Variants in DTNB observed in about 807,000 individuals in gnomAD.
DTNB encodes dystrobrevin beta, also known as DTN-B.
A neutral mutation model predicts 90.7 loss-of-function variants in DTNB; 63 were observed. That is an observed-to-expected ratio of 0.69 (90% CI 0.57 to 0.86). The LOEUF is 0.86. DTNB is among the 40% of genes least tolerant of loss of function. The pLI is 0.00. For synonymous variants in DTNB, 277 were observed against 286.7 expected, an observed-to-expected ratio of 0.97 and a Z score of 0.34; for missense variants, 744 against 807.1, an observed-to-expected ratio of 0.92 and a Z score of 0.95.
chr2:25,559,714 A>C (rs1044756025), intron 8 of DTNB, among the ~76,000 whole-genome samples: 1 of 152,240 alleles, frequency 6.6e-6, no homozygotes, highest in Non-Finnish European at 1.5e-5. Context: ...CTTCTATGAC[A>C]AAATTAACTT....
intron 3 of DTNB, 81 bp from the exon 4 acceptor site, chr2:25,628,465 C>T: frequency 2.3e-6 from 3 of 1,320,298 alleles, no homozygotes; most frequent in Non-Finnish European, 3.1e-6. Context: ...AATTTATCAA[C>T]TAGTTCTTAA....
chr2:25,408,724 C>G (rs948696391), intron 16 of DTNB, among the ~76,000 whole-genome samples: 1 of 152,012 alleles, frequency 6.6e-6, no homozygotes, highest in Non-Finnish European at 1.5e-5. Context: ...GTCTATGGAA[C>G]TTGTTATAAC....
Position 25,623,028 on chromosome 2 carries a change from G to T in DTNB, c.362+5143C>A, listed in dbSNP as rs143310648. Reference sequence around the variant, plus strand: ...TCTTCCAAAAGGAAACAAAGTTAAAGAAATTAAACCATATGTGAGGAACAC... The same window carrying T: ...TCTTCCAAAAGGAAACAAAGTTAAATAAATTAAACCATATGTGAGGAACAC... On this transcript the variant is annotated intron_variant, in intron 4 of 20. Coordinates refer to ENST00000406818, the MANE Select transcript of DTNB (RefSeq NM_021907.5). Among the ~76,000 whole-genome samples the T allele has an allele frequency of 8.6e-4, 131 of 152,144 alleles. 1 individual carries two copies. The highest frequency in any genetic ancestry group is 3.0e-3 in the African/African-American group (123 of 41,522).
At chr2:25,413,065 G>A (rs1307555024) in intron 16 of DTNB, among the ~76,000 whole-genome samples, 1 of 152,024 alleles carries the variant, frequency 6.6e-6, no homozygotes, top group Non-Finnish European at 1.5e-5. Context: ...TAGATATCCT[G>A]CATTTTATAG....
intron 19 of DTNB, 96 bp downstream of exon 19, chr2:25,383,740 G>C (rs2038590642): frequency 6.2e-7 from 1 of 1,611,136 alleles, no homozygotes; most frequent in Non-Finnish European, 8.5e-7. Context: ...TGGGAAAGGT[G>C]GTGGCAGGGA....
chr2:25,654,313 C>T (rs1365567818), intron 1 of DTNB, among the ~76,000 whole-genome samples: 1 of 152,208 alleles, frequency 6.6e-6, no homozygotes, highest in Non-Finnish European at 1.5e-5. Flanking sequence ...ATTTTGCCCC[C>T]ATGGGACATT....
intron 16 of DTNB, among the ~76,000 whole-genome samples, chr2:25,407,058 G>A (rs1430623973): frequency 6.6e-6 from 1 of 152,122 alleles, no homozygotes; most frequent in Non-Finnish European, 1.5e-5. Flanking sequence ...AGCCATCTGT[G>A]CAGAGCTGGT....
intron 1 of DTNB, among the ~76,000 whole-genome samples, chr2:25,655,572 A>C (rs1008322973): frequency 1.3e-5 from 2 of 152,176 alleles, no homozygotes; most frequent in African/African-American, 4.8e-5. Context: ...TCCATGACTC[A>C]CAATTTAATG....
At chr2:25,394,313 C>A (rs759841293) in intron 16 of DTNB, among the ~76,000 whole-genome samples, 1 of 151,982 alleles carries the variant, frequency 6.6e-6, no homozygotes, top group Non-Finnish European at 1.5e-5. Context: ...ATTGGAAAAA[C>A]CCTTCTAGAC....
chr2:25,648,751 A>G (rs180889077), intron 2 of DTNB, among the ~76,000 whole-genome samples: 3 of 152,284 alleles, frequency 2.0e-5, no homozygotes, highest in Admixed American at 2.0e-4. Context: ...AACAGAGTAA[A>G]GAGGAAAGAC....
intron 4 of DTNB, among the ~76,000 whole-genome samples, chr2:25,626,287 G>C (rs1246611959): frequency 6.6e-6 from 1 of 152,140 alleles, no homozygotes; most frequent in Non-Finnish European, 1.5e-5. Context: ...TTTACTGAGT[G>C]AGTCAGTGTC....
At chr2:25,503,053 CAAAAAAAAAAAAAAAAAAAAAAA>C (rs58871909) in intron 9 of DTNB, among the ~76,000 whole-genome samples, 7 of 15,356 alleles carry the variant, frequency 4.6e-4, no homozygotes, top group Admixed American at 1.2e-3. Flanking sequence ...GACCCTATCT[CAAAAAAAAAAAAAAAAAAAAAAA>C]AAAAAAAAAA....
chr2:25,503,629 A>G (rs564210019), intron 9 of DTNB, among the ~76,000 whole-genome samples: 1 of 152,052 alleles, frequency 6.6e-6, no homozygotes, highest in Admixed American at 6.5e-5. Flanking sequence ...AAATTAAGAA[A>G]AGAGGCCGGG....
intron 16 of DTNB, among the ~76,000 whole-genome samples, chr2:25,390,451 T>C (rs2040786147): frequency 6.7e-6 from 1 of 149,040 alleles, no homozygotes; most frequent in Admixed American, 6.7e-5. Flanking sequence ...CGTCTTCTCT[T>C]TTTTTTTTTT....
chr2:25,409,599 G>T (rs1367734964), intron 16 of DTNB, among the ~76,000 whole-genome samples: 2 of 152,098 alleles, frequency 1.3e-5, no homozygotes, highest in Admixed American at 6.6e-5. Context: ...TTCAGAGTTG[G>T]GTACACTTTA....
At chr2:25,640,787 A>T (rs1384839357) in intron 2 of DTNB, among the ~76,000 whole-genome samples, 1 of 151,870 alleles carries the variant, frequency 6.6e-6, no homozygotes, top group Non-Finnish European at 1.5e-5. Context: ...CGGGCGGATC[A>T]CAAGGTCAGG....
chr2:25,620,437 A>C (rs143187483), intron 4 of DTNB, among the ~76,000 whole-genome samples: 1 of 152,346 alleles, frequency 6.6e-6, no homozygotes, highest in Non-Finnish European at 1.5e-5. Flanking sequence ...TCTGTTTCAG[A>C]AGAAAACAAA....
intron 8 of DTNB, among the ~76,000 whole-genome samples, chr2:25,564,927 A>C (rs2058789139): frequency 6.6e-6 from 1 of 152,212 alleles, no homozygotes; most frequent in African/African-American, 2.4e-5. Flanking sequence ...AACCACAATT[A>C]CTTTTGCACC....
chr2:25,429,638 C>T (rs2053177680), intron 14 of DTNB, among the ~76,000 whole-genome samples: 1 of 152,140 alleles, frequency 6.6e-6, no homozygotes, highest in Non-Finnish European at 1.5e-5. Flanking sequence ...GATGCAAAAT[C>T]CTTGAGGTCA....
Sources: allele counts gnomAD v4.1 joint callset (sites outside exome capture counted in the v4.1 genomes callset), GRCh38; gene constraint gnomAD v4.1.1; transcripts MANE v1.5; gene names NCBI Gene and HGNC (gene_info 2026-07-23, HGNC 2026-07-21).